The following PAIP2B variants were observed in gnomAD, a reference collection of about 807,000 sequenced individuals.
The protein encoded by PAIP2B is polyadenylate-binding protein-interacting protein 2B.
Under a neutral mutation model 17.0 loss-of-function variants are expected in PAIP2B, and 13 were observed. That is an observed-to-expected ratio of 0.76 (90% CI 0.50 to 1.22). The LOEUF (loss-of-function observed/expected upper bound fraction) is 1.22. Ranked by LOEUF, PAIP2B falls within the 50% of genes most tolerant of loss-of-function variation. The pLI is 0.00. For missense variants in PAIP2B, 117 were observed against 144.5 expected, an observed-to-expected ratio of 0.81 and a Z score of 0.98; for synonymous variants, 43 against 48.7, an observed-to-expected ratio of 0.88 and a Z score of 0.48.
At chr2:71,205,693 T>C (rs901961424) in intron 1 of PAIP2B, among the ~76,000 whole-genome samples, 1 of 152,214 alleles carries the variant, frequency 6.6e-6, no homozygotes, top group African/African-American at 2.4e-5. Flanking sequence ...TCACTGTGTT[T>C]CTCTAGTCAT....
intron 1 of PAIP2B, among the ~76,000 whole-genome samples, chr2:71,212,058 A>T (rs1675315386): frequency 6.6e-6 from 1 of 152,228 alleles, no homozygotes; most frequent in Non-Finnish European, 1.5e-5. Flanking sequence ...AATGGGGGAA[A>T]TATTGTGAAG....
intron 1 of PAIP2B, among the ~76,000 whole-genome samples, 191 bp downstream of exon 1, chr2:71,226,737 A>G (rs1199436090): frequency 6.6e-6 from 1 of 152,142 alleles, no homozygotes. Context: ...ACCCCAGCGG[A>G]CGCCCCTTTT....
chr2:71,188,456 G>A lies in PAIP2B; in HGVS notation c.*23C>T. 1.3e-6 allele frequency: 2 copies of A among 1,591,126 alleles called. No individual in the cohort carries two copies. The highest frequency in any genetic ancestry group is 1.7e-4 in the Middle Eastern group (1 of 6,012). On this transcript the variant is annotated 3_prime_UTR_variant, in exon 4 of 4. Transcript: ENST00000244221. Reference sequence around the variant, plus strand: ...TATCCCCAGATGTGGGGACAGACAAGTCTTCCTCAAAGCTTTCTCGGCTCA... The same window carrying A: ...TATCCCCAGATGTGGGGACAGACAAATCTTCCTCAAAGCTTTCTCGGCTCA...
Position 71,186,408 on chromosome 2 carries a change from C to A in PAIP2B, c.*2071G>T, listed in dbSNP as rs1187090592. On this transcript the variant is annotated 3_prime_UTR_variant, in exon 4 of 4. Transcript: ENST00000244221. ...CTGAAGAAGACTAGAAATGCCAGCC[C>A]TCAGTGTCCATGCTAAACTGGCAGG... The A allele has an allele frequency of 1.3e-5, 2 of 152,248 alleles. No homozygotes were observed. Among genetic ancestry groups the A allele is most frequent in the East Asian group, 3.8e-4 (2 of 5,202 alleles). The allele number at this position is 152,248 out of a possible 1,614,324, so 9.4% of individuals were successfully genotyped here.
At position 71,199,643 on chromosome 2, in the gene PAIP2B, C is replaced by T. The variant is rs577513172; in HGVS notation, c.138+2809G>A. ...GTGCAGTGGCGCGATCTCAGCTCAC[C>T]GCAAGCTCCGCCTCCTGGGTTCACG... On this transcript the variant is annotated intron_variant, in intron 2 of 3. Transcript: ENST00000244221. Among the ~76,000 whole-genome samples, 24 of 151,888 alleles carry T rather than the reference C, an allele frequency of 1.6e-4. 1 individual carries two copies. The highest frequency in any genetic ancestry group is 4.8e-4 in the African/African-American group (20 of 41,398).
Position 71,189,962 on chromosome 2 carries a change from A to C in PAIP2B, c.198T>G (p.Asp66Glu), listed in dbSNP as rs758927327. 12 of 1,611,722 alleles carry C rather than the reference A, an allele frequency of 7.4e-6. No homozygotes were observed. The East Asian group carries it at 2.7e-4, about 36-fold the overall frequency. The change falls in exon 3 of 4, where the codon GAT (aspartate) becomes GAG (glutamate). Residue 66 changes from aspartate to glutamate, a missense_variant. Coordinates refer to ENST00000244221, the MANE Select transcript of PAIP2B (RefSeq NM_020459.1). ...GAATAAACCAGTCTTGGTCTTCTTC[A>C]TCCAGCATCTCTTGGAAGCAGCGGT... ...FLDRCFQEML[D>E]EEDQDWFIPS...
At chr2:71,193,502 CT>C (rs1020674565) in intron 2 of PAIP2B, among the ~76,000 whole-genome samples, 2 of 152,126 alleles carry the variant, frequency 1.3e-5, no homozygotes, top group African/African-American at 4.8e-5. Context: ...GCCATTAAAT[CT>C]TTGACCATTC....
chr2:71,183,903 G>GT lies in PAIP2B; in HGVS notation c.*4575dup, dbSNP rs1410727519. 6.6e-6 allele frequency: 1 copy of GT among 152,150 alleles called. No homozygotes were observed. Among genetic ancestry groups the GT allele is most frequent in the Non-Finnish European group, 1.5e-5 (1 of 68,034 alleles). The allele number at this position is 152,150 out of a possible 1,614,324, so 9.4% of individuals were successfully genotyped here. A position where few individuals can be genotyped will look rare whatever the true frequency, so the allele number is the denominator to read the frequency against. On this transcript the variant is annotated 3_prime_UTR_variant, in exon 4 of 4. Transcript: ENST00000244221. ...ACTGAAATGTACACTTGAAATGGGT[G>GT]TTTTATGATATGTAACATATGCCTC...
In PAIP2B at chr2:71,188,522, AG is replaced by A. The variant is rs1239466497; in HGVS notation, c.328del (p.Leu110Ter). 6.2e-7 allele frequency: 1 copy of A among 1,609,240 alleles called. No individual in the cohort carries two copies. The highest frequency in any genetic ancestry group is 1.3e-5 in the African/African-American group (1 of 74,988). On this transcript the variant is annotated frameshift_variant, in exon 4 of 4. Transcript: ENST00000244221. LOFTEE classifies it high-confidence loss of function. ...AATAAACTCCTTGGCATCTGGGTTCAGGTTACTTTTGCTCTGAAATAAGAAC... is the reference window on the plus strand; with the variant it reads ...AATAAACTCCTTGGCATCTGGGTTCAGTTACTTTTGCTCTGAAATAAGAAC... ...DSEDILSKSN[L>X]NPDAKEFIPG...
At position 71,186,578 on chromosome 2, in the gene PAIP2B, G is replaced by GA. The variant is rs1674546908; in HGVS notation, c.*1900dup. On this transcript the variant is annotated 3_prime_UTR_variant, in exon 4 of 4. Transcript: ENST00000244221. ...GGACAGGCTCACGAGGATGAAGGAG[G>GA]AAAAGCAGTCCCAGAAGGGAGAGAT... is the stretch of plus-strand genomic sequence containing the variant. The GA allele has an allele frequency of 6.6e-6, 1 of 152,244 alleles. No homozygotes were observed. The highest frequency in any genetic ancestry group is 1.5e-5 in the Non-Finnish European group (1 of 68,044). The allele number at this position is 152,244 out of a possible 1,614,324, so 9.4% of individuals were successfully genotyped here.
chr2:71,202,328 T>C, intron 2 of PAIP2B, 124 bp downstream of exon 2: 1 of 1,281,502 alleles, frequency 7.8e-7, no homozygotes, highest in East Asian at 2.4e-5. Flanking sequence ...CCCCCACCAA[T>C]GAATTTTTAA....
chr2:71,193,230 T>A (rs1317700711), intron 2 of PAIP2B, among the ~76,000 whole-genome samples: 1 of 152,228 alleles, frequency 6.6e-6, no homozygotes, highest in Non-Finnish European at 1.5e-5. Context: ...GTTGGCCGTA[T>A]GTATGTCTTC....
rs1356083333 is a variant in PAIP2B at position 71,186,089 on chromosome 2, T to A, written c.*2390A>T. 1 of 152,222 alleles carries A rather than the reference T, an allele frequency of 6.6e-6. No individual in the cohort carries two copies. The highest frequency in any genetic ancestry group is 2.4e-5 in the African/African-American group (1 of 41,458). 9.4% of individuals were successfully genotyped at this position (152,222 alleles called of 1,614,324 possible). On this transcript the variant is annotated 3_prime_UTR_variant, in exon 4 of 4. Transcript: ENST00000244221. ...AAGTCTTACCATTAAAGGGTAAAGG[T>A]GTCCAGTCTGGCTTGCTGGTTCTTC...
chr2:71,204,189 G>GCAACT (rs1453569406), intron 1 of PAIP2B, among the ~76,000 whole-genome samples: 1 of 151,688 alleles, frequency 6.6e-6, no homozygotes, highest in Non-Finnish European at 1.5e-5. Flanking sequence ...AATACCTGAG[G>GCAACT]CTTAATTGTA....
chr2:71,196,306 C>G (rs1275615419), intron 2 of PAIP2B, among the ~76,000 whole-genome samples: 1 of 152,072 alleles, frequency 6.6e-6, no homozygotes, highest in Non-Finnish European at 1.5e-5. Context: ...GTCTAATTTC[C>G]ATGTAATTGT....
At chr2:71,215,140 G>A (rs1675394951) in intron 1 of PAIP2B, among the ~76,000 whole-genome samples, 1 of 152,054 alleles carries the variant, frequency 6.6e-6, no homozygotes, top group East Asian at 1.9e-4. Flanking sequence ...TTCACAATAA[G>A]CTGGTGAAAA....
rs56008115 is a variant in PAIP2B at position 71,189,004 on chromosome 2, CTT to C, written c.316-471_316-470del. ...GTATGAAAACTATATTGCTCACAGA[CTT>C]TTTTTTTTTTTTTTTTTTTGAGACA... is the stretch of plus-strand genomic sequence containing the variant. On this transcript the variant is annotated intron_variant, in intron 3 of 3. Transcript: ENST00000244221. 8.3e-3 allele frequency among the ~76,000 whole-genome samples: 1,012 copies of C among 122,136 alleles called. 5 individuals carry two copies. Among genetic ancestry groups the C allele is most frequent in the African/African-American group, 0.029 (914 of 31,086 alleles). The allele number at this position is 122,136 out of a possible 152,430, so 80.1% of individuals were successfully genotyped here. A position where few individuals can be genotyped will look rare whatever the true frequency, so the allele number is the denominator to read the frequency against.
chr2:71,219,733 C>CA (rs71400991), intron 1 of PAIP2B, among the ~76,000 whole-genome samples: 29,054 of 151,990 alleles, frequency 0.19, 3,288 homozygotes, highest in African/African-American at 0.31. Flanking sequence ...ATACATAGTT[C>CA]AAAAATATTT....
At chr2:71,197,010 T>G (rs997182493) in intron 2 of PAIP2B, among the ~76,000 whole-genome samples, 1 of 152,214 alleles carries the variant, frequency 6.6e-6, no homozygotes, top group South Asian at 2.1e-4. Context: ...TTAGCTCATT[T>G]ACATTCAATG....
Sources: allele counts gnomAD v4.1 joint callset (sites outside exome capture counted in the v4.1 genomes callset), GRCh38; gene constraint gnomAD v4.1.1; transcripts MANE v1.5; gene names NCBI Gene and HGNC (gene_info 2026-07-23, HGNC 2026-07-21).